PCDHA13: variants seen among roughly 807,000 people sequenced by gnomAD.
PCDHA13 encodes the protein protocadherin alpha 13.
Under a neutral mutation model 64.8 loss-of-function variants are expected in PCDHA13, and 54 were observed. The observed-to-expected ratio is 0.83, with a 90% confidence interval of 0.67 to 1.04. The LOEUF (loss-of-function observed/expected upper bound fraction) is 1.04, where lower values mean the gene tolerates loss of function less well. PCDHA13 is among the 50% of genes least tolerant of loss of function. PCDHA13 has a pLI of 0.00. For synonymous variants in PCDHA13, 587 were observed against 564.4 expected (o/e 1.04, Z -0.57); for missense variants, 1,248 against 1,254.3 (o/e 0.99, Z 0.08).
chr5:140,902,140 G>A (rs1156661388), intron 1 of PCDHA13, among the ~76,000 whole-genome samples: 2 of 151,048 alleles, frequency 1.3e-5, no homozygotes, highest in African/African-American at 4.9e-5. Context: ...CTGCAAACAA[G>A]GATAATTTGA....
At chr5:140,989,723 G>A (rs2097356372) in intron 3 of PCDHA13, among the ~76,000 whole-genome samples, 1 of 152,180 alleles carries the variant, frequency 6.6e-6, no homozygotes, top group African/African-American at 2.4e-5. Flanking sequence ...CAGCTTTGCA[G>A]TTGAAAAGGC....
At chr5:140,945,424 A>T (rs1227744054) in intron 1 of PCDHA13, among the ~76,000 whole-genome samples, 1 of 152,116 alleles carries the variant, frequency 6.6e-6, no homozygotes, top group Non-Finnish European at 1.5e-5. Context: ...ATTTCAATGA[A>T]GTTTTTACAG....
chr5:140,946,631 T>TATATAGATATATATATATATATATACAC (rs57893927), intron 1 of PCDHA13, among the ~76,000 whole-genome samples: 1 of 131,846 alleles, frequency 7.6e-6, no homozygotes, highest in African/African-American at 3.5e-5. Flanking sequence ...TATATATATA[T>TATATAGATATATATATATATATATACAC]ACAATGGAAT....
intron 1 of PCDHA13, among the ~76,000 whole-genome samples, chr5:140,957,165 A>C (rs2095338056): frequency 6.6e-6 from 1 of 152,190 alleles, no homozygotes; most frequent in African/African-American, 2.4e-5. Context: ...AAATCTAAGT[A>C]TATAAATTGG....
chr5:140,938,309 A>T (rs1379097876), intron 1 of PCDHA13, among the ~76,000 whole-genome samples: 1 of 152,216 alleles, frequency 6.6e-6, no homozygotes, highest in African/African-American at 2.4e-5. Flanking sequence ...AATTCAGTAT[A>T]AAATTGAATA....
chr5:140,915,209 AG>A lies in PCDHA13; in HGVS notation c.2394+30548del, dbSNP rs2077027084. On this transcript the variant is annotated intron_variant, in intron 1 of 3. Coordinates refer to ENST00000289272, the MANE Select transcript of PCDHA13 (RefSeq NM_018904.3). ...TGATCCGCCCATCTTGGCCTCCCAAAGTGCTGGGATTACAGGCATGAGCCAC... is the reference window on the plus strand; with the variant it reads ...TGATCCGCCCATCTTGGCCTCCCAAATGCTGGGATTACAGGCATGAGCCAC... 2.6e-5 allele frequency among the ~76,000 whole-genome samples: 4 copies of A among 152,034 alleles called. No individual in the cohort carries two copies. The South Asian group carries it at 8.3e-4, about 32-fold the overall frequency.
At position 140,967,262 on chromosome 5, in the gene PCDHA13, C is replaced by T; in HGVS notation, c.2395-11687C>T. ...AAGCGAATCGGTGGCGCCTGGAGCG[C>T]GCTTTCACATAGAGAGTGCGCAGGA... On this transcript the variant is annotated intron_variant, in intron 1 of 3. Transcript: ENST00000289272. The T allele has an allele frequency of 1.9e-6, 3 of 1,613,522 alleles. No homozygotes were observed. In the South Asian group the frequency reaches 3.3e-5, roughly 18 times the overall value.
intron 1 of PCDHA13, among the ~76,000 whole-genome samples, chr5:140,901,807 C>T (rs1227752610): frequency 6.6e-6 from 1 of 152,116 alleles, no homozygotes; most frequent in Non-Finnish European, 1.5e-5. Context: ...AACATTTTTA[C>T]AATATTGATT....
intron 1 of PCDHA13, among the ~76,000 whole-genome samples, chr5:140,922,082 G>A (rs2080612980): frequency 6.6e-6 from 1 of 151,908 alleles, no homozygotes. Context: ...AGCAAAAAGT[G>A]GTATTTCTAC....
intron 3 of PCDHA13, among the ~76,000 whole-genome samples, chr5:140,986,426 T>C (rs1405347449): frequency 1.3e-5 from 2 of 152,216 alleles, no homozygotes; most frequent in East Asian, 3.9e-4. Context: ...TTTAACTTCA[T>C]GAGTACTAAT....
chr5:140,940,825 G>A (rs782539336), intron 1 of PCDHA13, among the ~76,000 whole-genome samples: 53 of 152,232 alleles, frequency 3.5e-4, no homozygotes, highest in South Asian at 6.2e-4. Context: ...ATCTTGGATG[G>A]AAATACCTTT....
rs941007574 is a variant in PCDHA13 at position 141,010,090 on chromosome 5, C to G, written c.*153C>G. ...AAGTTCCCTGTGTCTGTCTAGAACG[C>G]ATTTAACAGGTTTTGTCGTAAAAGC... On this transcript the variant is annotated 3_prime_UTR_variant, in exon 4 of 4. Transcript: ENST00000289272. 1.5e-5 allele frequency: 24 copies of G among 1,612,636 alleles called. No homozygotes were observed. Among genetic ancestry groups the G allele is most frequent in the Non-Finnish European group, 2.0e-5 (24 of 1,179,276 alleles).
intron 3 of PCDHA13, among the ~76,000 whole-genome samples, chr5:141,005,470 G>T (rs1563690887): frequency 6.6e-6 from 1 of 151,956 alleles, no homozygotes; most frequent in African/African-American, 2.4e-5. Flanking sequence ...TTGGGAGGCC[G>T]AGACGGGCGG....
intron 1 of PCDHA13, among the ~76,000 whole-genome samples, chr5:140,897,837 C>A: frequency 6.6e-6 from 1 of 152,116 alleles, no homozygotes; most frequent in African/African-American, 2.4e-5. Context: ...TCTCCACATC[C>A]TCTCCAGCAC....
intron 1 of PCDHA13, among the ~76,000 whole-genome samples, chr5:140,958,881 A>G (rs565016962): frequency 2.0e-5 from 3 of 152,092 alleles, no homozygotes; most frequent in Non-Finnish European, 2.9e-5. Flanking sequence ...AGAATTGACC[A>G]GTAGCTATAT....
chr5:140,901,333 T>C (rs1370254894), intron 1 of PCDHA13, among the ~76,000 whole-genome samples: 1 of 152,200 alleles, frequency 6.6e-6, no homozygotes, highest in East Asian at 1.9e-4. Flanking sequence ...TTGTAGTCGT[T>C]TTATAGTTTG....
At chr5:140,929,228 A>G in intron 1 of PCDHA13, 1 of 1,613,898 alleles carries the variant, frequency 6.2e-7, no homozygotes, top group Non-Finnish European at 8.5e-7. Flanking sequence ...AATGCTGCCG[A>G]CCTGCGAAAT....
chr5:140,994,434 G>A (rs1238502710), intron 3 of PCDHA13, among the ~76,000 whole-genome samples: 1 of 152,156 alleles, frequency 6.6e-6, no homozygotes, highest in African/African-American at 2.4e-5. Flanking sequence ...CGGGCGCAGT[G>A]GCTCACACCT....
At chr5:140,969,045 CCAA>C in intron 1 of PCDHA13, 4 of 1,614,090 alleles carry the variant, frequency 2.5e-6, no homozygotes, top group Non-Finnish European at 3.4e-6. Flanking sequence ...TACAAACAAG[CCAA>C]CAACAATATT....
Sources: allele counts gnomAD v4.1 joint callset (sites outside exome capture counted in the v4.1 genomes callset), GRCh38; gene constraint gnomAD v4.1.1; transcripts MANE v1.5; gene names NCBI Gene and HGNC (gene_info 2026-07-23, HGNC 2026-07-21).